OFD1: variants seen among roughly 807,000 people sequenced by gnomAD.
The protein encoded by OFD1 is OFD1 centriole and centriolar satellite protein.
In OFD1, 12 loss-of-function variants were observed where a neutral mutation model predicts 81.4. The observed-to-expected ratio is 0.15, with a 90% CI of 0.09 to 0.24. OFD1 has a LOEUF of 0.24. Among genes scored for constraint, OFD1 ranks in the 10% least tolerant of loss-of-function variants. The pLI, the probability that OFD1 is intolerant of heterozygous loss-of-function variation, is 1.00. For missense variants in OFD1, 685 were observed against 733.9 expected (o/e 0.93, Z 0.77); for synonymous variants, 256 against 263.7 (o/e 0.97, Z 0.28).
At chrX:13,716,630 G>T in the OFD1 span, 1 of 1,211,595 alleles carries the variant, frequency 8.3e-7, no homozygotes, top group African/African-American at 1.7e-5. Flanking sequence ...TCATCTACGA[G>T]GTCGAGAGCA....
In OFD1 at chrX:13,769,203, A is replaced by C; in HGVS notation, c.*95A>C. 1.4e-6 allele frequency: 1 copy of C among 714,307 alleles called. No individual in the cohort carries two copies. The highest frequency in any genetic ancestry group is 2.2e-6 in the Non-Finnish European group (1 of 450,018). The allele number at this position is 714,307 out of a possible 1,213,427, so 58.9% of individuals were successfully genotyped here. On this transcript the variant is annotated 3_prime_UTR_variant, in exon 23 of 23. Transcript: ENST00000340096. ...GTTTCCCTATCATCAGACAAAACTC[A>C]ATAAAAATGTGTGTAATCCAATGTG...
At chrX:13,732,483 G>A (rs1192814352), upstream of OFD1, among the ~76,000 whole-genome samples, 1 of 112,981 alleles carries the variant, frequency 8.9e-6, no homozygotes, top group Non-Finnish European at 1.9e-5. Context: ...TGACTGCCAG[G>A]AACTGGCGCT....
chrX:13,769,358 C>CTTAT (rs2048258047), downstream of OFD1: 1 of 356,337 alleles, frequency 2.8e-6, no homozygotes, highest in African/African-American at 2.6e-5. Flanking sequence ...TTTTAACCTC[C>CTTAT]TTATTTTTGT....
the OFD1 span, chrX:13,720,086 G>A: frequency 1.7e-6 from 1 of 579,523 alleles, no homozygotes; most frequent in Non-Finnish European, 2.5e-6. Flanking sequence ...ACCTGACATT[G>A]TAGAGGAAGA....
intron 21 of OFD1, among the ~76,000 whole-genome samples, 183 bp from the exon 22 acceptor site, chrX:13,768,535 A>G (rs1321595619): frequency 8.9e-6 from 1 of 112,397 alleles, no homozygotes; most frequent in Non-Finnish European, 1.9e-5. Flanking sequence ...AGTCTGAAGT[A>G]TTATGGGTGT....
At chrX:13,754,105 C>T (rs1459904682) in intron 11 of OFD1, among the ~76,000 whole-genome samples, 1 of 110,772 alleles carries the variant, frequency 9.0e-6, no homozygotes, top group African/African-American at 3.3e-5. Context: ...CCTCAGCCTC[C>T]CCAGTAGCTG....
chrX:13,748,728 A>G (rs2047388236), intron 8 of OFD1, among the ~76,000 whole-genome samples: 1 of 111,638 alleles, frequency 9.0e-6, no homozygotes, highest in African/African-American at 3.3e-5. Flanking sequence ...CATTCAGACG[A>G]CACCACCACT....
intron 8 of OFD1, 137 bp from the exon 9 acceptor site, chrX:13,749,290 T>A: frequency 2.1e-6 from 1 of 473,273 alleles, no homozygotes; most frequent in South Asian, 3.0e-5. Context: ...ATACCTTGAG[T>A]CGGAATCTCT....
At chrX:13,770,248 A>C (rs1422349047), downstream of OFD1, among the ~76,000 whole-genome samples, 1 of 112,044 alleles carries the variant, frequency 8.9e-6, no homozygotes, top group Non-Finnish European at 1.9e-5. Flanking sequence ...TAATTGCACA[A>C]AATGCTACTT....
rs2048254321 is a variant in OFD1, at chrX:13,769,245, A to G, written c.*137A>G. On this transcript the variant is annotated 3_prime_UTR_variant, in exon 23 of 23. Transcript: ENST00000340096. ...TCCAATGTGGGTTTTTTTTTCCATA[A>G]TTAATTTTGATACCATAGTGTGTGA... 5.6e-6 allele frequency: 3 copies of G among 532,546 alleles called. No homozygotes were observed. The highest frequency in any genetic ancestry group is 5.5e-5 in the South Asian group (2 of 36,239). 43.9% of individuals were successfully genotyped at this position (532,546 alleles called of 1,213,427 possible).
At position 13,767,181 on chromosome X, in the gene OFD1, A is replaced by G; in HGVS notation, c.2654A>G (p.Gln885Arg). The G allele has an allele frequency of 8.3e-7, 1 of 1,210,238 alleles. No homozygotes were observed. The highest frequency in any genetic ancestry group is 2.2e-5 in the Admixed American group (1 of 46,112). Residue 885 changes from glutamine to arginine, a missense_variant, in exon 20 of 23, where the codon CAG becomes CGG. By Grantham distance (43) the Gln-to-Arg change is conservative (BLOSUM62 1). Transcript: ENST00000340096. ...EQKEEEKIREQQVKERRQREE... is the reference protein window; with the variant it reads ...EQKEEEKIRERQVKERRQREE... ...AAGGAAGAAGAAAAAATACGGGAACAGCAAGTGAAAGAACGAAGGCAGAGA... is the reference window on the plus strand; with the variant it reads ...AAGGAAGAAGAAAAAATACGGGAACGGCAAGTGAAAGAACGAAGGCAGAGA...
intron 11 of OFD1, among the ~76,000 whole-genome samples, chrX:13,754,634 G>A (rs1319417348): frequency 9.2e-6 from 1 of 108,761 alleles, no homozygotes; most frequent in Non-Finnish European, 1.9e-5. Context: ...TCTCGAACTC[G>A]TGACCTCAGG....
upstream of OFD1, chrX:13,734,631 G>C (rs1172151885): frequency 7.1e-6 from 6 of 849,471 alleles, no homozygotes; most frequent in Non-Finnish European, 7.3e-6. Flanking sequence ...GATACCCTGG[G>C]ATGTGCTCTC....
chrX:13,746,512 T>G, intron 7 of OFD1, 57 bp downstream of exon 7: 1 of 1,143,551 alleles, frequency 8.7e-7, no homozygotes, highest in Non-Finnish European at 1.2e-6. Flanking sequence ...TCTTCTAAAG[T>G]CTTAACCATA....
intron 20 of OFD1, 73 bp from the exon 21 acceptor site, chrX:13,767,981 A>T: frequency 9.8e-7 from 1 of 1,021,314 alleles, no homozygotes; most frequent in Non-Finnish European, 1.4e-6. Context: ...GATTAATATT[A>T]GTGCATTTTT....
chrX:13,729,936 A>G (rs1468829727), upstream of OFD1, among the ~76,000 whole-genome samples: 1 of 111,831 alleles, frequency 8.9e-6, no homozygotes, highest in Non-Finnish European at 1.9e-5. Flanking sequence ...CAAAAAAAAG[A>G]CTTAAATGTT....
the OFD1 span, among the ~76,000 whole-genome samples, chrX:13,718,471 T>C: frequency 1.1e-4 from 7 of 64,001 alleles, no homozygotes; most frequent in Non-Finnish European, 2.2e-4. Flanking sequence ...AATCAAGTTA[T>C]GCAACAAAGT....
At chrX:13,747,115 T>C (rs1437851426) in intron 8 of OFD1, among the ~76,000 whole-genome samples, 162 bp downstream of exon 8, 3 of 111,855 alleles carry the variant, frequency 2.7e-5, no homozygotes, top group Admixed American at 9.5e-5. Context: ...TTGAAAAGGA[T>C]ACACAAATTT....
downstream of OFD1, chrX:13,773,011 A>C: frequency 8.3e-7 from 1 of 1,210,428 alleles, no homozygotes; most frequent in Non-Finnish European, 1.1e-6. Flanking sequence ...GTTAGAAGAC[A>C]GTATCATGAG....
Sources: gnomAD v4.1 joint callset for allele counts (sites outside exome capture counted in the v4.1 genomes callset) on GRCh38, gnomAD v4.1.1 for gene constraint, MANE v1.5 for transcripts, NCBI Gene and HGNC (gene_info 2026-07-23, HGNC 2026-07-21) for gene names.